The following AFF4 variants were observed in gnomAD, a reference collection of about 807,000 sequenced individuals.
AFF4 encodes the protein ALF transcription elongation factor 4.
Under a neutral mutation model 124.8 loss-of-function variants are expected in AFF4, and 13 were observed. That is an observed-to-expected ratio of 0.10 (90% confidence interval 0.07 to 0.17). AFF4 has a LOEUF of 0.17. AFF4 is among the 10% of genes least tolerant of loss of function. The pLI is 1.00. For synonymous variants in AFF4, 477 were observed against 496.1 expected, an observed-to-expected ratio of 0.96 and a Z score of 0.51; for missense variants, 1,092 against 1,403.8, an observed-to-expected ratio of 0.78 and a Z score of 3.55.
intron 7 of AFF4, chr5:132,900,914 A>G (rs1760534851): frequency 1.0e-6 from 1 of 984,840 alleles, no homozygotes; most frequent in Non-Finnish European, 1.2e-6. Flanking sequence ...GTGAGAAGGA[A>G]ATCTTCTTTC....
intron 20 of AFF4, among the ~76,000 whole-genome samples, chr5:132,882,729 C>A (rs1760012016): frequency 6.6e-6 from 1 of 151,684 alleles, no homozygotes; most frequent in Admixed American, 6.6e-5. Flanking sequence ...GTGGCGGGCA[C>A]CTGTAATCCC....
chr5:132,959,077 A>T (rs1186561587), intron 1 of AFF4, among the ~76,000 whole-genome samples: 1 of 152,126 alleles, frequency 6.6e-6, no homozygotes, highest in Non-Finnish European at 1.5e-5. Context: ...ACTCCAAGAG[A>T]GAAAAAGTTA....
chr5:132,892,194 C>G lies in AFF4; in HGVS notation c.2607G>C (p.Gly869=). 1 of 1,614,120 alleles carries G rather than the reference C, an allele frequency of 6.2e-7. No individual in the cohort carries two copies. The highest frequency in any genetic ancestry group is 8.5e-7 in the Non-Finnish European group (1 of 1,180,030). ...CCTCCTTGGAGCTACTGGAAGTCTT[C>G]CCTTCGGTCTTCTTCTGCTTTGATG... The part of the protein sequence containing the change: ...SSTSKQKKTE[G]KTSSSSKEVK... Residue 869 remains glycine (G), a synonymous_variant, in exon 13 of 21, where the codon GGG becomes GGC. Transcript: ENST00000265343.
chr5:132,916,081 C>G (rs1001264314), intron 5 of AFF4, among the ~76,000 whole-genome samples: 2 of 151,410 alleles, frequency 1.3e-5, no homozygotes, highest in African/African-American at 4.9e-5. Flanking sequence ...CCTGTCTCTA[C>G]TAAAAAATTA....
rs982426450 is a variant in AFF4, at chr5:132,925,560, C to T, written c.1050+1561G>A. On this transcript the variant is annotated intron_variant, in intron 5 of 20. Coordinates refer to ENST00000265343, the MANE Select transcript of AFF4 (RefSeq NM_014423.4). ...AGAATCCACAATTCAAACAAAACAA[C>T]ACAAAACAAAAAAGGAAGACCACCT... Among the ~76,000 whole-genome samples the T allele has an allele frequency of 2.6e-5, 4 of 151,924 alleles. No individual in the cohort carries two copies. The East Asian group carries it at 7.7e-4, about 29-fold the overall frequency.
At chr5:132,916,911 A>G (rs1258459024) in intron 5 of AFF4, among the ~76,000 whole-genome samples, 2 of 151,718 alleles carry the variant, frequency 1.3e-5, no homozygotes, top group Admixed American at 1.3e-4. Context: ...AATTTAACCA[A>G]CGTTTTTTGT....
At chr5:132,938,980 GA>G (rs1192609238) in intron 1 of AFF4, among the ~76,000 whole-genome samples, 13,625 of 78,818 alleles carry the variant, frequency 0.17, 791 homozygotes, top group South Asian at 0.27. Context: ...TTAATGTTTA[GA>G]AAAAAAAAAA....
chr5:132,925,820 T>C (rs950910338), intron 5 of AFF4, among the ~76,000 whole-genome samples: 4 of 152,210 alleles, frequency 2.6e-5, no homozygotes, highest in Non-Finnish European at 4.4e-5. Context: ...AATCCTGTAA[T>C]AGAACTATGG....
intron 5 of AFF4, among the ~76,000 whole-genome samples, chr5:132,921,619 C>T (rs959701055): frequency 5.9e-5 from 9 of 152,080 alleles, no homozygotes; most frequent in African/African-American, 2.2e-4. Flanking sequence ...AGGCATGCGC[C>T]ACCATGCCTG....
At chr5:132,919,878 A>G (rs185376852) in intron 5 of AFF4, among the ~76,000 whole-genome samples, 1 of 152,040 alleles carries the variant, frequency 6.6e-6, no homozygotes, top group Admixed American at 6.5e-5. Context: ...AGGATAACTG[A>G]GAGCAGAGTC....
Position 132,880,661 on chromosome 5 carries a change from A to AT in AFF4, c.*397_*398insA. On this transcript the variant is annotated 3_prime_UTR_variant, in exon 21 of 21. Transcript: ENST00000265343. ...TATATAAATAAAAATGTCTACATTAAATTTATGCTAAATATTCAACAGAGT... is the reference window on the plus strand; with the variant it reads ...TATATAAATAAAAATGTCTACATTAATATTTATGCTAAATATTCAACAGAGT... The AT allele has an allele frequency of 3.2e-6, 1 of 309,158 alleles. No individual in the cohort carries two copies. The highest frequency in any genetic ancestry group is 4.9e-5 in the Admixed American group (1 of 20,224). The allele number at this position is 309,158 out of a possible 1,614,324, so 19.2% of individuals were successfully genotyped here. A position where few individuals can be genotyped will look rare whatever the true frequency, so the allele number is the denominator to read the frequency against.
intron 1 of AFF4, among the ~76,000 whole-genome samples, chr5:132,950,732 C>T (rs1309574344): frequency 6.6e-6 from 1 of 152,154 alleles, no homozygotes; most frequent in Non-Finnish European, 1.5e-5. Context: ...CTATCAGCGT[C>T]TACATCTATT....
rs201355729 is a variant in AFF4, at chr5:132,892,272, T to C, written c.2529A>G (p.Ser843=). ...TCGTCTCCTTGTTGCTGTTACTGCT[T>C]GACTTTAAGGAAGAAGACTGACTAA... The part of the protein sequence containing the change: ...RTISQSSSLK[S]SSNSNKETSG... The change falls in exon 13 of 21, where the codon TCA becomes TCG. Residue 843 remains serine, a synonymous_variant. Transcript: ENST00000265343. 4.2e-5 allele frequency: 67 copies of C among 1,614,092 alleles called. 1 individual carries two copies. The East Asian group carries it at 1.3e-3, about 31-fold the overall frequency.
intron 19 of AFF4, 56 bp downstream of exon 19, chr5:132,885,020 T>C: frequency 1.5e-6 from 2 of 1,330,894 alleles, no homozygotes; most frequent in Non-Finnish European, 2.1e-6. Flanking sequence ...AATTGGACCA[T>C]ACTCATTTCA....
At chr5:132,906,854 C>A (rs948140153) in intron 5 of AFF4, among the ~76,000 whole-genome samples, 1 of 152,050 alleles carries the variant, frequency 6.6e-6, no homozygotes, top group Admixed American at 6.5e-5. Flanking sequence ...AATCCCAATA[C>A]TTTGGGAGGC....
chr5:132,940,237 C>T (rs536630638), intron 1 of AFF4, among the ~76,000 whole-genome samples: 2 of 151,386 alleles, frequency 1.3e-5, no homozygotes, highest in South Asian at 4.2e-4. Context: ...CGGTGGCTCA[C>T]GCCTGTAATC....
chr5:132,942,005 T>C (rs1761580987), intron 1 of AFF4, among the ~76,000 whole-genome samples: 1 of 136,546 alleles, frequency 7.3e-6, no homozygotes, highest in Admixed American at 7.5e-5. Context: ...AGACTCCATC[T>C]CAAAAAAAAA....
In AFF4 at chr5:132,888,086, TA is replaced by T. The variant is rs1174175747; in HGVS notation, c.2796+10del. On this transcript the variant is annotated intron_variant, in intron 15 of 20. Transcript: ENST00000265343. The stretch of plus-strand genomic sequence containing the variant: ...ATTAAATACGTAAGTGTAAGGAGAA[TA>T]TCTACATACCAATGCATCTGCATTG... 2 of 1,609,188 alleles carry T rather than the reference TA, an allele frequency of 1.2e-6. No homozygotes were observed. Among genetic ancestry groups the T allele is most frequent in the Non-Finnish European group, 1.7e-6 (2 of 1,176,358 alleles).
At position 132,896,330 on chromosome 5, in the gene AFF4, T is replaced by C; in HGVS notation, c.2300A>G (p.Lys767Arg). 1 of 1,588,084 alleles carries C rather than the reference T, an allele frequency of 6.3e-7. No individual in the cohort carries two copies. Among genetic ancestry groups the C allele is most frequent in the Non-Finnish European group, 8.5e-7 (1 of 1,172,608 alleles). Residue 767 changes from lysine (K) to arginine (R), a missense_variant, in exon 11 of 21, where the codon AAG (lysine) becomes AGG (arginine). Coordinates refer to ENST00000265343, the MANE Select transcript of AFF4 (RefSeq NM_014423.4). ...CAAAAACCCTTCACAAACCTTATGC[T>C]TCCTCTTGCCTTTGTTGGAAACTTT... is the stretch of plus-strand genomic sequence containing the variant. ...SEKVSNKGKR[K>R]HKNEDDNRAS... is the part of the protein sequence containing the mutation.
Sources: allele counts gnomAD v4.1 joint callset (sites outside exome capture counted in the v4.1 genomes callset), GRCh38; gene constraint gnomAD v4.1.1; transcripts MANE v1.5; gene names NCBI Gene and HGNC (gene_info 2026-07-23, HGNC 2026-07-21).